Variants in XPO6 observed in about 807,000 individuals in gnomAD.
The protein encoded by XPO6 is exportin 6.
XPO6 carries 3 observed loss-of-function variants against 130.0 expected under a neutral mutation model. That is an observed-to-expected ratio of 0.02 (90% CI 0.01 to 0.06). XPO6 has a LOEUF of 0.06. Ranked by LOEUF, XPO6 falls within the 10% of genes least tolerant of loss-of-function variation. The pLI, the probability that XPO6 is intolerant of heterozygous loss-of-function variation, is 1.00. For synonymous variants in XPO6, 524 were observed against 548.9 expected (o/e 0.95, Z 0.63); for missense variants, 970 against 1,393.0 (o/e 0.70, Z 4.83).
At chr16:28,141,955 C>T (rs2042902809) in intron 9 of XPO6, among the ~76,000 whole-genome samples, 1 of 152,228 alleles carries the variant, frequency 6.6e-6, no homozygotes, top group South Asian at 2.1e-4. Flanking sequence ...GCATGCAGAG[C>T]TCCAATTTCC....
At position 28,107,684 on chromosome 16, in the gene XPO6, A is replaced by G. The variant is rs1596784357; in HGVS notation, c.2342-7T>C. The G allele has an allele frequency of 6.2e-7, 1 of 1,613,498 alleles. No homozygotes were observed. The highest frequency in any genetic ancestry group is 2.2e-5 in the East Asian group (1 of 44,870). ...TGGTGGATAATCAGTTTGGCTGCAAATCAAGATGAGTTGCAGGTTATAAGC... is the reference window on the plus strand; with the variant it reads ...TGGTGGATAATCAGTTTGGCTGCAAGTCAAGATGAGTTGCAGGTTATAAGC... On this transcript the variant is annotated splice_region_variant and splice_polypyrimidine_tract_variant and intron_variant, in intron 17 of 23. Coordinates refer to ENST00000304658, the MANE Select transcript of XPO6 (RefSeq NM_015171.4).
chr16:28,160,184 TAAAAA>T (rs56947792), intron 6 of XPO6, among the ~76,000 whole-genome samples: 10 of 76,126 alleles, frequency 1.3e-4, no homozygotes, highest in African/African-American at 1.8e-4. Flanking sequence ...GCCTCCGTCT[TAAAAA>T]AAAAAAAAAA....
intron 4 of XPO6, among the ~76,000 whole-genome samples, chr16:28,175,111 T>C (rs1156601569): frequency 6.6e-6 from 1 of 152,180 alleles, no homozygotes; most frequent in African/African-American, 2.4e-5. Flanking sequence ...AAAATCTATC[T>C]GAGCCAGAAA....
At chr16:28,116,479 C>CCA (rs1555522764) in intron 15 of XPO6, among the ~76,000 whole-genome samples, 2 of 94,986 alleles carry the variant, frequency 2.1e-5, no homozygotes, top group African/African-American at 7.2e-5. Flanking sequence ...ACAAAAACGA[C>CCA]AAAAAAAAAA....
At position 28,132,300 on chromosome 16, in the gene XPO6, G is replaced by A. The variant is rs758286024; in HGVS notation, c.1606+34C>T. On this transcript the variant is annotated intron_variant, in intron 12 of 23. Coordinates refer to ENST00000304658, the MANE Select transcript of XPO6 (RefSeq NM_015171.4). The surrounding 1 kb of genome is among the most constrained non-coding windows in gnomAD (Gnocchi z 4.0). ...ATATCAGTCCGATGGTTTTTTGAAT[G>A]TTTGGTTAAATTAGAAAATAAAAAC... 6.7e-7 allele frequency: 1 copy of A among 1,492,560 alleles called. No individual in the cohort carries two copies. The highest frequency in any genetic ancestry group is 9.2e-7 in the Non-Finnish European group (1 of 1,081,534). The allele number at this position is 1,492,560 out of a possible 1,614,324, so 92.5% of individuals were successfully genotyped here. A position where few individuals can be genotyped will look rare whatever the true frequency, so the allele number is the denominator to read the frequency against.
intron 21 of XPO6, among the ~76,000 whole-genome samples, chr16:28,103,620 G>A (rs1255176324): frequency 1.3e-5 from 2 of 152,156 alleles, no homozygotes; most frequent in Non-Finnish European, 2.9e-5. Context: ...AGGCACCAGC[G>A]TGCCAAAGAA....
At position 28,188,279 on chromosome 16, in the gene XPO6, T is replaced by A. The variant is rs1379793460; in HGVS notation, c.4-7248A>T. Among the ~76,000 whole-genome samples, 6 of 152,120 alleles carry A rather than the reference T, an allele frequency of 3.9e-5. No individual in the cohort carries two copies. The South Asian group carries it at 1.2e-3, about 32-fold the overall frequency. ...TTTTTAAAGACACTTCTATTAAGCT[T>A]TTTGCCATCCTTTCCCAGAGCCTCA... On this transcript the variant is annotated intron_variant, in intron 1 of 23. Coordinates refer to ENST00000304658, the MANE Select transcript of XPO6 (RefSeq NM_015171.4).
At chr16:28,153,381 T>C (rs2043128307) in intron 7 of XPO6, 6 of 985,152 alleles carry the variant, frequency 6.1e-6, no homozygotes, top group Non-Finnish European at 6.0e-6. Flanking sequence ...TCAGGGACTT[T>C]AGTCTGATGC....
intron 17 of XPO6, 41 bp from the exon 18 acceptor site, chr16:28,107,718 G>A (rs774400669): frequency 1.2e-5 from 19 of 1,606,092 alleles, no homozygotes; most frequent in Non-Finnish European, 1.5e-5. Flanking sequence ...GCTGTCTGGG[G>A]AGAAAGCATG....
In XPO6 at chr16:28,098,303, A is replaced by C. The variant is rs2086577233; in HGVS notation, c.*235T>G. The C allele has an allele frequency of 4.5e-6, 2 of 448,380 alleles. No individual in the cohort carries two copies. Among genetic ancestry groups the C allele is most frequent in the East Asian group, 3.7e-5 (1 of 26,968 alleles). 27.8% of individuals were successfully genotyped at this position (448,380 alleles called of 1,614,324 possible). On this transcript the variant is annotated 3_prime_UTR_variant, in exon 24 of 24. Transcript: ENST00000304658. Reference sequence around the variant, plus strand: ...GGTGCCTCCTAGTACCTGGCCACACACCCCTCCGCCTGCTCCAACGCCCTG... The same window carrying C: ...GGTGCCTCCTAGTACCTGGCCACACCCCCCTCCGCCTGCTCCAACGCCCTG...
chr16:28,166,776 A>G, intron 5 of XPO6, 191 bp from the exon 6 acceptor site: 1 of 985,342 alleles, frequency 1.0e-6, no homozygotes. Flanking sequence ...CCACTGCTTC[A>G]CTGTGGCCTT....
Position 28,107,697 on chromosome 16 carries a change from G to T in XPO6, c.2342-20C>A. On this transcript the variant is annotated intron_variant, in intron 17 of 23. Coordinates refer to ENST00000304658, the MANE Select transcript of XPO6 (RefSeq NM_015171.4). ...GTTTGGCTGCAAATCAAGATGAGTTGCAGGTTATAAGCTGTCTGGGGAGAA... is the reference window on the plus strand; with the variant it reads ...GTTTGGCTGCAAATCAAGATGAGTTTCAGGTTATAAGCTGTCTGGGGAGAA... 1 of 1,612,872 alleles carries T rather than the reference G, an allele frequency of 6.2e-7. No individual in the cohort carries two copies. The highest frequency in any genetic ancestry group is 2.2e-5 in the East Asian group (1 of 44,872).
chr16:28,116,206 A>T (rs2141255530), intron 15 of XPO6, among the ~76,000 whole-genome samples: 1 of 152,272 alleles, frequency 6.6e-6, no homozygotes, highest in East Asian at 1.9e-4. Flanking sequence ...TCACGCCCGT[A>T]ATCCCAGCAC....
chr16:28,113,373 C>A (rs1340875577), intron 15 of XPO6, among the ~76,000 whole-genome samples: 1 of 152,168 alleles, frequency 6.6e-6, no homozygotes, highest in Non-Finnish European at 1.5e-5. Context: ...GGCATGTCAT[C>A]CAGGTCCTAG....
intron 6 of XPO6, among the ~76,000 whole-genome samples, chr16:28,164,934 TG>T (rs1282620475): frequency 6.6e-6 from 1 of 152,180 alleles, no homozygotes; most frequent in African/African-American, 2.4e-5. Flanking sequence ...GAACTAATCT[TG>T]GCTGGGTATG....
chr16:28,137,522 C>T (rs1350046409), intron 9 of XPO6, among the ~76,000 whole-genome samples: 1 of 152,130 alleles, frequency 6.6e-6, no homozygotes, highest in Non-Finnish European at 1.5e-5. Flanking sequence ...ATATCCAATA[C>T]CAAGACCAAA....
chr16:28,167,206 G>A (rs1406367216), intron 5 of XPO6: 7 of 985,236 alleles, frequency 7.1e-6, no homozygotes, highest in Non-Finnish European at 8.4e-6. Flanking sequence ...ACACGATGGG[G>A]GCTTCAGAAA....
chr16:28,203,486 C>T lies in XPO6; in HGVS notation c.3+7880G>A, dbSNP rs561752660. On this transcript the variant is annotated intron_variant, in intron 1 of 23. Transcript: ENST00000304658. The stretch of plus-strand genomic sequence containing the variant: ...TACTTAAGATCTTCAACATCCTTCT[C>T]GTGCCCAGGGCCAACTACCTTCATG... Among the ~76,000 whole-genome samples, 8 of 152,234 alleles carry T rather than the reference C, an allele frequency of 5.3e-5. No individual in the cohort carries two copies. In the South Asian group the frequency reaches 6.2e-4, roughly 12 times the overall value.
intron 9 of XPO6, among the ~76,000 whole-genome samples, 159 bp from the exon 10 acceptor site, chr16:28,135,483 C>T (rs897187501): frequency 8.5e-5 from 13 of 152,068 alleles, no homozygotes; most frequent in Non-Finnish European, 8.8e-5. Flanking sequence ...TACGTGTGTG[C>T]GCCCATGGAA....
Sources: allele counts gnomAD v4.1 joint callset (sites outside exome capture counted in the v4.1 genomes callset), GRCh38; gene constraint gnomAD v4.1.1; non-coding constraint Gnocchi (gnomAD v3.1); transcripts MANE v1.5; gene names NCBI Gene and HGNC (gene_info 2026-07-23, HGNC 2026-07-21).